NFATC2: variants seen among roughly 807,000 people sequenced by gnomAD.
NFATC2 encodes nuclear factor of activated T cells 2, also known as nuclear factor of activated T-cells, cytoplasmic 2.
NFATC2 carries 22 observed loss-of-function variants against 87.3 expected under a neutral mutation model. That is an observed-to-expected ratio of 0.25 (90% CI 0.18 to 0.36). The LOEUF (loss-of-function observed/expected upper bound fraction) is 0.36. Ranked by LOEUF, NFATC2 falls within the 10% of genes least tolerant of loss-of-function variation. NFATC2 has a pLI of 1.00. For missense variants in NFATC2, 1,149 were observed against 1,259.1 expected (o/e 0.91, Z 1.32); for synonymous variants, 565 against 542.2 (o/e 1.04, Z -0.58).
intron 3 of NFATC2, among the ~76,000 whole-genome samples, chr20:51,488,481 C>T (rs2075822683): frequency 6.6e-6 from 1 of 152,106 alleles, no homozygotes; most frequent in Admixed American, 6.5e-5. Context: ...AGCAGCCACC[C>T]TTTTCCCAAC....
intron 1 of NFATC2, among the ~76,000 whole-genome samples, chr20:51,557,759 T>A (rs1006612635): frequency 3.3e-5 from 5 of 151,514 alleles, no homozygotes; most frequent in African/African-American, 1.2e-4. Flanking sequence ...CATTCCTAAC[T>A]CATTCATTCA....
chr20:51,408,148 G>A (rs1394321053), intron 9 of NFATC2, among the ~76,000 whole-genome samples: 1 of 152,172 alleles, frequency 6.6e-6, no homozygotes, highest in Non-Finnish European at 1.5e-5. Flanking sequence ...AGGACAGTGA[G>A]CCTCGTGAGA....
intron 9 of NFATC2, among the ~76,000 whole-genome samples, chr20:51,429,539 G>C (rs1167758111): frequency 6.6e-6 from 1 of 152,182 alleles, no homozygotes; most frequent in African/African-American, 2.4e-5. Context: ...ATCAGGAAAA[G>C]AGCTTCTAGG....
In NFATC2 at chr20:51,532,132, T is replaced by C. The variant is rs373684590; in HGVS notation, c.131-8022A>G. Among the ~76,000 whole-genome samples, 58 of 152,260 alleles carry C rather than the reference T, an allele frequency of 3.8e-4. 1 individual carries two copies. In the South Asian group the frequency reaches 0.011, roughly 29 times the overall value. ...TAGCACATCTATACCACTTACTTTA[T>C]ATCGAGAACTGTACGCATCTAGTGT... On this transcript the variant is annotated intron_variant, in intron 1 of 10. Coordinates refer to ENST00000371564, the MANE Select transcript of NFATC2 (RefSeq NM_012340.5).
At chr20:51,401,292 G>T (rs1988013130) in intron 9 of NFATC2, among the ~76,000 whole-genome samples, 1 of 151,886 alleles carries the variant, frequency 6.6e-6, no homozygotes, top group African/African-American at 2.4e-5. Flanking sequence ...GAGCTGAGAT[G>T]GTGCCACTGT....
At chr20:51,474,180 C>A (rs780795550) in intron 4 of NFATC2, 28 bp from the exon 5 acceptor site, 6 of 1,609,654 alleles carry the variant, frequency 3.7e-6, no homozygotes, top group Non-Finnish European at 8.5e-7. Context: ...ACCCCATTGT[C>A]ACCAACTACC....
At chr20:51,485,666 T>C (rs747063) in intron 3 of NFATC2, among the ~76,000 whole-genome samples, 128,942 of 152,014 alleles carry the variant, frequency 0.85, 54,717 homozygotes, top group East Asian at 0.87. Flanking sequence ...CATCCTGGCA[T>C]TGGCACTTAA....
chr20:51,454,447 C>T (rs544864038), intron 6 of NFATC2, 101 bp downstream of exon 6: 69 of 1,284,300 alleles, frequency 5.4e-5, no homozygotes, highest in African/African-American at 4.4e-4. Flanking sequence ...TAAAACTGCA[C>T]GGTGGGATCT....
intron 3 of NFATC2, among the ~76,000 whole-genome samples, chr20:51,483,615 CCACACACA>C (rs140017162): frequency 2.1e-5 from 3 of 145,880 alleles, no homozygotes; most frequent in Non-Finnish European, 3.0e-5. Flanking sequence ...CTCCCCCCCA[CCACACACA>C]CACACACAGA....
chr20:51,426,685 A>G (rs1981882569), intron 9 of NFATC2, among the ~76,000 whole-genome samples: 2 of 152,122 alleles, frequency 1.3e-5, no homozygotes, highest in African/African-American at 4.8e-5. Flanking sequence ...CAAGACACAA[A>G]AGAGTCATGA....
chr20:51,503,568 G>A (rs1356686253), intron 3 of NFATC2, among the ~76,000 whole-genome samples: 1 of 152,174 alleles, frequency 6.6e-6, no homozygotes, highest in Non-Finnish European at 1.5e-5. Context: ...AGGCCACTAG[G>A]CTCCCCAGGT....
intron 1 of NFATC2, among the ~76,000 whole-genome samples, chr20:51,539,685 G>C (rs975565174): frequency 2.6e-5 from 4 of 152,160 alleles, no homozygotes; most frequent in Non-Finnish European, 5.9e-5. Flanking sequence ...TTTTATTAGA[G>C]ATGAGGTCTT....
chr20:51,548,674 G>C (rs2146825646), intron 1 of NFATC2, among the ~76,000 whole-genome samples: 1 of 152,288 alleles, frequency 6.6e-6, no homozygotes, highest in South Asian at 2.1e-4. Flanking sequence ...GGCAACCCCA[G>C]CTGTATCCCC....
In NFATC2 at chr20:51,410,398, C is replaced by T. The variant is rs577125995; in HGVS notation, c.2723-11668G>A. 1.3e-4 allele frequency among the ~76,000 whole-genome samples: 20 copies of T among 152,008 alleles called. No homozygotes were observed. In the South Asian group the frequency reaches 4.2e-3, roughly 32 times the overall value. Reference sequence around the variant, plus strand: ...AAGATTTGCCAGAAAACATTTTCTACGCAGAAGAGCTCAGAGGAAATGACT... The same window carrying T: ...AAGATTTGCCAGAAAACATTTTCTATGCAGAAGAGCTCAGAGGAAATGACT... On this transcript the variant is annotated intron_variant, in intron 9 of 10. Transcript: ENST00000371564.
intron 3 of NFATC2, among the ~76,000 whole-genome samples, chr20:51,494,425 C>T (rs926390727): frequency 2.0e-5 from 3 of 152,102 alleles, no homozygotes; most frequent in Non-Finnish European, 2.9e-5. Flanking sequence ...ATGCGGCACA[C>T]GTCAGTAATT....
intron 9 of NFATC2, among the ~76,000 whole-genome samples, chr20:51,423,983 T>C (rs953743943): frequency 2.6e-5 from 4 of 151,720 alleles, no homozygotes; most frequent in Non-Finnish European, 5.9e-5. Context: ...AAATGCAGAG[T>C]CCACATCATT....
intron 9 of NFATC2, among the ~76,000 whole-genome samples, chr20:51,414,385 G>T (rs1979729485): frequency 6.6e-6 from 1 of 152,212 alleles, no homozygotes; most frequent in South Asian, 2.1e-4. Flanking sequence ...ACGCTGGCCA[G>T]ATTTCAAAAG....
Position 51,481,000 on chromosome 20 carries a change from C to T in NFATC2, c.1333-5340G>A, listed in dbSNP as rs1365390722. On this transcript the variant is annotated intron_variant, in intron 3 of 10. Coordinates refer to ENST00000371564, the MANE Select transcript of NFATC2 (RefSeq NM_012340.5). This position sits in a 1 kb window ranked among gnomAD's most constrained non-coding sequence, Gnocchi z 4.2. ...AGTGGGCTGGCTCAACAGTTGCCGG[C>T]TTGGAGTGTCAGAGGAAAGAGGGGC... is the stretch of plus-strand genomic sequence containing the variant. 1.3e-5 allele frequency among the ~76,000 whole-genome samples: 2 copies of T among 152,150 alleles called. No individual in the cohort carries two copies. The highest frequency in any genetic ancestry group is 2.9e-5 in the Non-Finnish European group (2 of 68,028).
At position 51,524,203 on chromosome 20, in the gene NFATC2, GT is replaced by G; in HGVS notation, c.131-94del. The G allele has an allele frequency of 8.2e-7, 1 of 1,214,548 alleles. No individual in the cohort carries two copies. 75.2% of individuals were successfully genotyped at this position (1,214,548 alleles called of 1,614,324 possible). ...CACAGGCTGGATTTCGTCTCACGTC[GT>G]TTATTTTTTTCAAATTCCCACCATG... On this transcript the variant is annotated intron_variant, in intron 1 of 10. Transcript: ENST00000371564. The surrounding 1 kb of genome is among the most constrained non-coding windows in gnomAD (Gnocchi z 4.0).
Sources: gnomAD v4.1 joint callset for allele counts (sites outside exome capture counted in the v4.1 genomes callset) on GRCh38, gnomAD v4.1.1 for gene constraint, Gnocchi (gnomAD v3.1) non-coding constraint, MANE v1.5 for transcripts, NCBI Gene and HGNC (gene_info 2026-07-23, HGNC 2026-07-21) for gene names.